SYNE2: variants seen among roughly 807,000 people sequenced by gnomAD.
SYNE2 encodes spectrin repeat containing nuclear envelope protein 2, also known as nesprin-2.
SYNE2 carries 431 observed loss-of-function variants against 856.3 expected under a neutral mutation model. That is an observed-to-expected ratio of 0.50 (90% CI 0.47 to 0.55). SYNE2 has a LOEUF of 0.55. Ranked by LOEUF, SYNE2 falls within the 20% of genes least tolerant of loss-of-function variation. The pLI is 0.00. For synonymous variants in SYNE2, 2,923 were observed against 2,872.3 expected (o/e 1.02, Z -0.56); for missense variants, 8,129 against 8,023.2 (o/e 1.01, Z -0.50).
At chr14:64,162,812 C>T (rs148649551) in intron 88 of SYNE2, 38 of 202,922 alleles carry the variant, frequency 1.9e-4, no homozygotes, top group African/African-American at 8.8e-4. Context: ...CATTTTGTAT[C>T]TTCTGCTACT....
intron 105 of SYNE2, 36 bp from the exon 106 acceptor site, chr14:64,214,158 G>GT: frequency 6.2e-7 from 1 of 1,614,200 alleles, no homozygotes; most frequent in East Asian, 2.2e-5. Flanking sequence ...AAGCCTATGA[G>GT]TTGATTAATT....
intron 110 of SYNE2, 85 bp from the exon 111 acceptor site, chr14:64,220,352 A>C: frequency 6.8e-7 from 1 of 1,467,994 alleles, no homozygotes; most frequent in Non-Finnish European, 9.5e-7. Flanking sequence ...AAGTGTGTGG[A>C]AAATTTGTTC....
At chr14:64,001,271 A>T (rs1202263049) in intron 28 of SYNE2, among the ~76,000 whole-genome samples, 1 of 152,240 alleles carries the variant, frequency 6.6e-6, no homozygotes, top group Non-Finnish European at 1.5e-5. Context: ...TAAAATAATT[A>T]TGAGGTTTCT....
chr14:64,225,476 C>A lies in SYNE2; in HGVS notation c.20674C>A (p.Arg6892=), dbSNP rs534020975. ...YSCTQANNFA[R]SFYPMLRYTN... ...CTGCACTCAGGCCAACAACTTTGCC[C>A]GGTCCTTTTACCCCATGCTGAGGTA... The change falls in exon 116 of 116, where the codon CGG becomes AGG. Residue 6892 remains arginine (R), a synonymous_variant. Coordinates refer to ENST00000555002, the MANE Select transcript of SYNE2 (RefSeq NM_182914.3). 11 of 1,614,090 alleles carry A rather than the reference C, an allele frequency of 6.8e-6. No individual in the cohort carries two copies. The African/African-American group carries it at 1.2e-4, about 18-fold the overall frequency.
chr14:64,129,710 C>A (rs771816919), intron 74 of SYNE2, 72 bp from the exon 75 acceptor site: 602 of 1,601,482 alleles, frequency 3.8e-4, no homozygotes, highest in Non-Finnish European at 5.0e-4. Flanking sequence ...CTATTTAATT[C>A]TTTTTAGATA....
chr14:64,050,374 C>G (rs2097216711), intron 47 of SYNE2, among the ~76,000 whole-genome samples: 1 of 152,138 alleles, frequency 6.6e-6, no homozygotes, highest in South Asian at 2.1e-4. Flanking sequence ...ACATTCAGAC[C>G]ATAGCATTTA....
At chr14:63,944,625 C>G (rs1211439302) in intron 6 of SYNE2, among the ~76,000 whole-genome samples, 1 of 143,602 alleles carries the variant, frequency 7.0e-6, no homozygotes, top group Admixed American at 7.2e-5. Context: ...CTGGGTGCAA[C>G]TGATTCTGCC....
At chr14:63,928,226 G>A (rs1040216130) in intron 2 of SYNE2, among the ~76,000 whole-genome samples, 2 of 152,176 alleles carry the variant, frequency 1.3e-5, no homozygotes, top group East Asian at 3.9e-4. Flanking sequence ...CATGGGCAAG[G>A]ACTGGACTGG....
At chr14:64,005,385 T>G (rs1431641374) in intron 30 of SYNE2, among the ~76,000 whole-genome samples, 1 of 152,170 alleles carries the variant, frequency 6.6e-6, no homozygotes, top group African/African-American at 2.4e-5. Context: ...ATTCTGTATA[T>G]AGTTTGAAGA....
At chr14:64,003,530 A>T (rs1004872738) in intron 30 of SYNE2, among the ~76,000 whole-genome samples, 200 bp downstream of exon 30, 9 of 152,120 alleles carry the variant, frequency 5.9e-5, no homozygotes, top group African/African-American at 1.9e-4. Context: ...ACGTTGCATA[A>T]TTTTTTTCCT....
At chr14:64,074,311 C>G (rs1461286139) in intron 53 of SYNE2, among the ~76,000 whole-genome samples, 175 bp downstream of exon 53, 2 of 152,140 alleles carry the variant, frequency 1.3e-5, no homozygotes, top group Admixed American at 6.6e-5. Flanking sequence ...GGGAGAAGAT[C>G]AGTGTGGCTG....
At chr14:64,224,838 C>T in intron 114 of SYNE2, 161 bp from the exon 115 acceptor site, 4 of 760,814 alleles carry the variant, frequency 5.3e-6, no homozygotes, top group Admixed American at 2.2e-5. Flanking sequence ...TTTCCTACTT[C>T]AGGTGACGTT....
At chr14:63,869,933 C>A (rs1408432615) in intron 1 of SYNE2, among the ~76,000 whole-genome samples, 1 of 152,152 alleles carries the variant, frequency 6.6e-6, no homozygotes, top group Admixed American at 6.6e-5. Flanking sequence ...TCTTCTATCT[C>A]CTTTTAATCC....
At position 63,818,652 on chromosome 14, in the gene SYNE2, A is replaced by T. The variant is rs531492737; in HGVS notation, c.-304-33849A>T. 3.2e-3 allele frequency among the ~76,000 whole-genome samples: 493 copies of T among 152,082 alleles called. 4 individuals carry two copies. The highest frequency in any genetic ancestry group is 0.011 in the African/African-American group (462 of 41,528). On this transcript the variant is annotated intron_variant, in intron 1 of 23. Coordinates refer to the SYNE2 transcript ENST00000674003. The stretch of plus-strand genomic sequence containing the variant: ...GTAAAAGATTAAAGGTTTTTCCCTA[A>T]GTATAGGAACAAGGCAAAGATATCC...
Position 64,126,557 on chromosome 14 carries a change from G to C in SYNE2, c.13708-41G>C, listed in dbSNP as rs372799659. The C allele has an allele frequency of 3.1e-4, 508 of 1,614,148 alleles. 2 individuals are homozygous for C. The African/African-American group carries it at 6.1e-3, about 19-fold the overall frequency. ...TTAAGCCCACGTGGAAGCCTCTTGA[G>C]GTCAGAGCTCATTCATTGTCTTCCT... On this transcript the variant is annotated intron_variant, in intron 72 of 115. Coordinates refer to ENST00000555002, the MANE Select transcript of SYNE2 (RefSeq NM_182914.3).
intron 1 of SYNE2, among the ~76,000 whole-genome samples, chr14:63,885,032 CAAAG>C (rs1054679705): frequency 1.3e-5 from 2 of 152,112 alleles, no homozygotes; most frequent in African/African-American, 4.8e-5. Context: ...AGATTCGCTT[CAAAG>C]AAAGACTCGG....
intron 2 of SYNE2, among the ~76,000 whole-genome samples, chr14:63,916,572 A>G (rs1057441835): frequency 6.6e-6 from 1 of 152,198 alleles, no homozygotes; most frequent in African/African-American, 2.4e-5. Context: ...AAAAAGTTCT[A>G]TGAAGTACCC....
At chr14:64,121,742 T>TAG (rs2097900458) in intron 68 of SYNE2, among the ~76,000 whole-genome samples, 1 of 152,236 alleles carries the variant, frequency 6.6e-6, no homozygotes, top group African/African-American at 2.4e-5. Flanking sequence ...CTTCTGTAGT[T>TAG]GCGACTCTGC....
intron 30 of SYNE2, among the ~76,000 whole-genome samples, chr14:64,003,778 G>A (rs1466583577): frequency 6.6e-6 from 1 of 152,090 alleles, no homozygotes; most frequent in East Asian, 1.9e-4. Context: ...CTCCCAGCAG[G>A]ATTAGGGTAG....
Sources: gnomAD v4.1 joint callset for allele counts (sites outside exome capture counted in the v4.1 genomes callset) on GRCh38, gnomAD v4.1.1 for gene constraint, MANE v1.5 for transcripts, NCBI Gene and HGNC (gene_info 2026-07-23, HGNC 2026-07-21) for gene names.